The following RASGRF2 variants were observed in gnomAD, a reference collection of about 807,000 sequenced individuals.
RASGRF2 encodes Ras protein specific guanine nucleotide releasing factor 2, also known as ras-specific guanine nucleotide-releasing factor 2.
RASGRF2 carries 76 observed loss-of-function variants against 151.0 expected under a neutral mutation model. That is an observed-to-expected ratio of 0.50 (90% CI 0.42 to 0.61). RASGRF2 has a LOEUF of 0.61. Among genes scored for constraint, RASGRF2 ranks in the 20% least tolerant of loss-of-function variants. The pLI is 0.00. For missense variants in RASGRF2, 1,148 were observed against 1,564.6 expected (o/e 0.73, Z 4.49); for synonymous variants, 504 against 566.5 (o/e 0.89, Z 1.57).
chr5:81,113,685 G>C lies in RASGRF2; in HGVS notation c.2235G>C (p.Leu745=), dbSNP rs1238375366. 1 of 1,613,578 alleles carries C rather than the reference G, an allele frequency of 6.2e-7. No homozygotes were observed. Among genetic ancestry groups the C allele is most frequent in the East Asian group, 2.2e-5 (1 of 44,870 alleles). The change falls in exon 15 of 27, where the codon CTG becomes CTC. Residue 745 remains leucine, a synonymous_variant. Coordinates refer to ENST00000265080, the MANE Select transcript of RASGRF2 (RefSeq NM_006909.3). ...CTTCCCCAGTGAGGGCCAGAAAGCTGTCTTTGACTTCTCCCTTGAACTCAA... is the reference window on the plus strand; with the variant it reads ...CTTCCCCAGTGAGGGCCAGAAAGCTCTCTTTGACTTCTCCCTTGAACTCAA... The part of the protein sequence containing the change: ...RTSSPVRARK[L]SLTSPLNSKI...
At chr5:80,965,188 T>C (rs1747685456) in intron 1 of RASGRF2, among the ~76,000 whole-genome samples, 1 of 152,124 alleles carries the variant, frequency 6.6e-6, no homozygotes, top group South Asian at 2.1e-4. Flanking sequence ...AGGATTTTAA[T>C]CATCGAATGA....
intron 2 of RASGRF2, among the ~76,000 whole-genome samples, chr5:81,043,329 C>G (rs1561574213): frequency 6.6e-6 from 1 of 152,138 alleles, no homozygotes; most frequent in Admixed American, 6.5e-5. Flanking sequence ...TATAATTCCC[C>G]CTGTCTGCAG....
intron 21 of RASGRF2, 91 bp downstream of exon 21, chr5:81,207,440 G>GT: frequency 9.5e-7 from 1 of 1,055,510 alleles, no homozygotes; most frequent in South Asian, 1.5e-5. Context: ...GTGTATGTCT[G>GT]TCCCCTCAGT....
At chr5:81,042,085 G>A (rs1580243461) in intron 1 of RASGRF2, among the ~76,000 whole-genome samples, 2 of 152,038 alleles carry the variant, frequency 1.3e-5, no homozygotes, top group African/African-American at 4.8e-5. Context: ...TTCACTCACC[G>A]ATTAAAGGAT....
At chr5:81,167,321 AC>A (rs1754535217) in intron 17 of RASGRF2, among the ~76,000 whole-genome samples, 1 of 152,120 alleles carries the variant, frequency 6.6e-6, no homozygotes, top group Non-Finnish European at 1.5e-5. Context: ...GCCAACCAAG[AC>A]GTAGCTATTG....
At chr5:81,172,806 T>C (rs1754688669) in intron 17 of RASGRF2, among the ~76,000 whole-genome samples, 1 of 152,070 alleles carries the variant, frequency 6.6e-6, no homozygotes, top group Admixed American at 6.5e-5. Flanking sequence ...GATAGAAACT[T>C]CCTCTATCTT....
intron 5 of RASGRF2, among the ~76,000 whole-genome samples, chr5:81,076,668 A>T (rs1186264056): frequency 6.6e-6 from 1 of 151,528 alleles, no homozygotes. Flanking sequence ...GGATTAGTAC[A>T]TGGACACTTC....
chr5:81,180,792 GT>G (rs1172062897), intron 18 of RASGRF2, among the ~76,000 whole-genome samples: 1 of 151,690 alleles, frequency 6.6e-6, no homozygotes, highest in African/African-American at 2.4e-5. Context: ...TCTCATGCCC[GT>G]TGATGTTTTG....
At position 81,109,011 on chromosome 5, in the gene RASGRF2, C is replaced by A. The variant is rs1333460723; in HGVS notation, c.1771C>A (p.Arg591=). ...TATTTCACAGTGTGTGGACAATATACGATGTAATGGTTTAATGACTATAGT... is the reference window on the plus strand; with the variant it reads ...TATTTCACAGTGTGTGGACAATATAAGATGTAATGGTTTAATGACTATAGT... ...SDISQCVDNI[R]CNGLMTIVFE... The change falls in exon 13 of 27, where the codon CGA becomes AGA. Residue 591 remains arginine, a synonymous_variant. Coordinates refer to ENST00000265080, the MANE Select transcript of RASGRF2 (RefSeq NM_006909.3). The A allele has an allele frequency of 1.9e-6, 3 of 1,609,482 alleles. No homozygotes were observed. Among genetic ancestry groups the A allele is most frequent in the Non-Finnish European group, 2.5e-6 (3 of 1,176,490 alleles).
intron 18 of RASGRF2, among the ~76,000 whole-genome samples, chr5:81,196,042 T>C (rs995746707): frequency 3.3e-5 from 5 of 152,236 alleles, no homozygotes; most frequent in Admixed American, 6.5e-5. Flanking sequence ...GCAGATCATT[T>C]GAAGTCAGGA....
At chr5:81,188,773 C>A (rs1447790314) in intron 18 of RASGRF2, among the ~76,000 whole-genome samples, 1 of 152,086 alleles carries the variant, frequency 6.6e-6, no homozygotes, top group Non-Finnish European at 1.5e-5. Flanking sequence ...GAACCATTTC[C>A]CTGAGGTTCC....
At chr5:81,058,042 A>C (rs1751286132) in intron 2 of RASGRF2, among the ~76,000 whole-genome samples, 1 of 152,000 alleles carries the variant, frequency 6.6e-6, no homozygotes, top group Non-Finnish European at 1.5e-5. Flanking sequence ...CCTGTTTTCC[A>C]GCTATCTTGA....
At chr5:81,104,849 A>G (rs1166471934) in intron 12 of RASGRF2, among the ~76,000 whole-genome samples, 1 of 152,168 alleles carries the variant, frequency 6.6e-6, no homozygotes, top group Non-Finnish European at 1.5e-5. Context: ...TATGTTGGGA[A>G]CAGGAGAAAA....
intron 15 of RASGRF2, 81 bp from the exon 16 acceptor site, chr5:81,123,561 C>T (rs568726879): frequency 9.3e-5 from 139 of 1,492,348 alleles, no homozygotes; most frequent in South Asian, 6.1e-4. Flanking sequence ...CTGTAATGAA[C>T]TTTTGTTTCC....
intron 17 of RASGRF2, among the ~76,000 whole-genome samples, chr5:81,179,381 G>T (rs1337278018): frequency 6.6e-6 from 1 of 152,314 alleles, no homozygotes; most frequent in African/African-American, 2.4e-5. Context: ...ATCTCATGAG[G>T]AATGTGGGAA....
At chr5:81,069,389 A>G (rs1178228573) in intron 3 of RASGRF2, among the ~76,000 whole-genome samples, 2 of 152,360 alleles carry the variant, frequency 1.3e-5, no homozygotes, top group South Asian at 4.1e-4. Flanking sequence ...TTAAAAGACT[A>G]TATCAGGCAC....
intron 12 of RASGRF2, among the ~76,000 whole-genome samples, chr5:81,106,706 C>G (rs989429798): frequency 6.6e-6 from 1 of 152,114 alleles, no homozygotes; most frequent in Non-Finnish European, 1.5e-5. Context: ...TGTGGCCTTT[C>G]TTGGGGCACA....
chr5:81,072,910 G>A (rs1321169726), intron 4 of RASGRF2, among the ~76,000 whole-genome samples: 1 of 152,142 alleles, frequency 6.6e-6, no homozygotes, highest in Non-Finnish European at 1.5e-5. Context: ...TAATGGCAGA[G>A]CCTCTGAGTT....
chr5:81,201,975 T>TG (rs1755404808), intron 19 of RASGRF2, among the ~76,000 whole-genome samples: 1 of 145,450 alleles, frequency 6.9e-6, no homozygotes, highest in East Asian at 1.9e-4. Flanking sequence ...GGTATGACTA[T>TG]GGGGGATTGT....
Sources: gnomAD v4.1 joint callset for allele counts (sites outside exome capture counted in the v4.1 genomes callset) on GRCh38, gnomAD v4.1.1 for gene constraint, MANE v1.5 for transcripts, NCBI Gene and HGNC (gene_info 2026-07-23, HGNC 2026-07-21) for gene names.